TRPM3: variants seen among roughly 807,000 people sequenced by gnomAD.
TRPM3 encodes long transient receptor potential channel 3.
Under a neutral mutation model 181.2 loss-of-function variants are expected in TRPM3, and 77 were observed. That is an observed-to-expected ratio of 0.42 (90% CI 0.35 to 0.51). The LOEUF (loss-of-function observed/expected upper bound fraction) is 0.51, where lower values mean the gene tolerates loss of function less well. TRPM3 is among the 20% of genes least tolerant of loss of function. The probability of loss-of-function intolerance (pLI) is 0.01; values close to 1 mark genes in which losing one functional copy is unlikely to be tolerated. For synonymous variants in TRPM3, 745 were observed against 796.4 expected, an observed-to-expected ratio of 0.94 and a Z score of 1.09; for missense variants, 1,759 against 2,196.7, an observed-to-expected ratio of 0.80 and a Z score of 3.98.
intron 22 of TRPM3, among the ~76,000 whole-genome samples, chr9:70,557,348 G>A (rs1022921591): frequency 2.0e-5 from 3 of 152,222 alleles, no homozygotes; most frequent in African/African-American, 4.8e-5. Context: ...TTACCATGAT[G>A]ATGATGGTAA....
chr9:70,635,331 C>T (rs1347746686), intron 11 of TRPM3, 70 bp from the exon 12 acceptor site: 4 of 1,420,200 alleles, frequency 2.8e-6, no homozygotes, highest in Non-Finnish European at 4.0e-6. Context: ...CAAGAAGGAT[C>T]TAGAAGGAAG....
intron 1 of TRPM3, among the ~76,000 whole-genome samples, chr9:71,240,937 T>C (rs1421566823): frequency 6.6e-6 from 1 of 152,220 alleles, no homozygotes; most frequent in East Asian, 1.9e-4. Flanking sequence ...AATTTCCTAC[T>C]ATGTAGATTG....
intron 8 of TRPM3, among the ~76,000 whole-genome samples, chr9:70,694,595 C>T (rs1428972055): frequency 3.3e-5 from 5 of 152,172 alleles, no homozygotes; most frequent in Non-Finnish European, 7.4e-5. Flanking sequence ...ATTCTCCTGC[C>T]TCAGCCTCCC....
At chr9:70,689,604 G>A (rs977643420) in intron 8 of TRPM3, among the ~76,000 whole-genome samples, 19 of 151,916 alleles carry the variant, frequency 1.3e-4, no homozygotes, top group Non-Finnish European at 2.1e-4. Flanking sequence ...AAGCACAGAC[G>A]GAACCAATAA....
At chr9:71,021,992 T>C (rs189799994) in intron 1 of TRPM3, among the ~76,000 whole-genome samples, 40 of 151,750 alleles carry the variant, frequency 2.6e-4, no homozygotes, top group Admixed American at 2.3e-3. Flanking sequence ...TTACAGGAGG[T>C]TGGAATGAAG....
chr9:70,975,727 C>T (rs905344730), intron 1 of TRPM3, among the ~76,000 whole-genome samples: 1 of 152,198 alleles, frequency 6.6e-6, no homozygotes, highest in African/African-American at 2.4e-5. Context: ...CTATCTTGGC[C>T]AGCCTTCCTC....
intron 1 of TRPM3, among the ~76,000 whole-genome samples, chr9:71,255,744 G>A (rs1253790032): frequency 2.6e-5 from 4 of 152,076 alleles, no homozygotes; most frequent in African/African-American, 9.7e-5. Context: ...CTTTTATTCT[G>A]TGCCAGCATC....
chr9:71,107,010 G>T (rs1166911766), intron 1 of TRPM3, among the ~76,000 whole-genome samples: 1 of 152,160 alleles, frequency 6.6e-6, no homozygotes, highest in East Asian at 1.9e-4. Context: ...GGGGACAATG[G>T]TGCTGTCTAT....
intron 1 of TRPM3, among the ~76,000 whole-genome samples, chr9:71,171,444 G>A (rs1159428733): frequency 5.9e-5 from 9 of 152,112 alleles, no homozygotes; most frequent in Non-Finnish European, 1.2e-4. Context: ...CGAACACCCG[G>A]CTTTAAAATT....
chr9:71,047,229 G>C (rs2059544649), intron 1 of TRPM3, among the ~76,000 whole-genome samples: 1 of 152,104 alleles, frequency 6.6e-6, no homozygotes, highest in Non-Finnish European at 1.5e-5. Context: ...GCCCAATTTG[G>C]AATTATTACC....
chr9:70,820,960 G>A (rs1019228547), intron 6 of TRPM3, among the ~76,000 whole-genome samples: 1 of 152,058 alleles, frequency 6.6e-6, no homozygotes, highest in Non-Finnish European at 1.5e-5. Context: ...CACAATTGCT[G>A]AAGATCTTTC....
intron 1 of TRPM3, among the ~76,000 whole-genome samples, chr9:70,924,323 T>C (rs1038487721): frequency 9.2e-5 from 14 of 152,188 alleles, no homozygotes; most frequent in Non-Finnish European, 1.5e-4. Flanking sequence ...TCTACTTCCA[T>C]ATACTATTTA....
intron 1 of TRPM3, among the ~76,000 whole-genome samples, chr9:71,325,296 T>C (rs1237852995): frequency 2.0e-5 from 3 of 152,194 alleles, no homozygotes; most frequent in Non-Finnish European, 4.4e-5. Flanking sequence ...AATTTCTATG[T>C]TGCAGGCCAA....
intron 1 of TRPM3, among the ~76,000 whole-genome samples, chr9:70,888,312 G>T (rs1005556995): frequency 5.3e-5 from 8 of 150,936 alleles, no homozygotes; most frequent in Non-Finnish European, 1.2e-4. Context: ...TTAATTTCTT[G>T]TTGGATTAAT....
chr9:71,312,934 G>A (rs2088115541), intron 1 of TRPM3, among the ~76,000 whole-genome samples: 1 of 152,006 alleles, frequency 6.6e-6, no homozygotes, highest in African/African-American at 2.4e-5. Flanking sequence ...GATTTTTTGG[G>A]CAGTGAAATT....
At chr9:71,264,137 AC>A (rs942231522) in intron 1 of TRPM3, among the ~76,000 whole-genome samples, 12 of 152,218 alleles carry the variant, frequency 7.9e-5, no homozygotes, top group African/African-American at 2.2e-4. Context: ...TCTAGCCCAC[AC>A]AATTAGTGTG....
At chr9:71,306,859 G>A (rs549642154) in intron 1 of TRPM3, among the ~76,000 whole-genome samples, 3 of 151,504 alleles carry the variant, frequency 2.0e-5, no homozygotes, top group Admixed American at 1.3e-4. Flanking sequence ...GTGACAGAGC[G>A]AGACTCCGTC....
intron 1 of TRPM3, among the ~76,000 whole-genome samples, chr9:70,991,987 C>T (rs2097491199): frequency 6.6e-6 from 1 of 152,184 alleles, no homozygotes; most frequent in South Asian, 2.1e-4. Flanking sequence ...CAGGTAGCCT[C>T]CCTCTTGACA....
Position 70,904,184 on chromosome 9 carries a change from T to C in TRPM3, c.178-39673A>G, listed in dbSNP as rs527303290. Among the ~76,000 whole-genome samples the C allele has an allele frequency of 5.0e-4, 76 of 152,254 alleles. 1 individual carries two copies. Among genetic ancestry groups the C allele is most frequent in the Middle Eastern group, 3.4e-3 (1 of 294 alleles). ...GCTGCAGTGAGCCCTGACTGTGTCA[T>C]TGACCTCCTGCCTGGGTGACAGAGT... On this transcript the variant is annotated intron_variant, in intron 1 of 25. Transcript: ENST00000677713.
Sources: allele counts gnomAD v4.1 joint callset (sites outside exome capture counted in the v4.1 genomes callset), GRCh38; gene constraint gnomAD v4.1.1; transcripts MANE v1.5; gene names NCBI Gene and HGNC (gene_info 2026-07-23, HGNC 2026-07-21).